Variants in CNTNAP2 observed in about 807,000 individuals in gnomAD.
CNTNAP2 encodes contactin-associated protein-like 2.
A neutral mutation model predicts 155.2 loss-of-function variants in CNTNAP2; 98 were observed. The observed-to-expected ratio is 0.63, with a 90% confidence interval of 0.54 to 0.75. The LOEUF (loss-of-function observed/expected upper bound fraction) is 0.75. CNTNAP2 is among the 30% of genes least tolerant of loss of function. The pLI, the probability that CNTNAP2 is intolerant of heterozygous loss-of-function variation, is 0.00. For missense variants in CNTNAP2, 1,727 were observed against 1,688.1 expected (o/e 1.02, Z -0.40); for synonymous variants, 651 against 631.2 (o/e 1.03, Z -0.47).
At chr7:147,735,966 C>G (rs375494966) in intron 13 of CNTNAP2, among the ~76,000 whole-genome samples, 13,558 of 127,516 alleles carry the variant, frequency 0.11, 1,123 homozygotes, top group Middle Eastern at 0.29. Flanking sequence ...TGGGTCTTGA[C>G]TCTTTATCCA....
At chr7:146,712,120 A>G (rs544448732) in intron 1 of CNTNAP2, among the ~76,000 whole-genome samples, 1 of 119,460 alleles carries the variant, frequency 8.4e-6, no homozygotes, top group Non-Finnish European at 1.7e-5. Flanking sequence ...GTATACATAT[A>G]TGTATACATA....
chr7:146,657,297 A>G (rs934870560), intron 1 of CNTNAP2, among the ~76,000 whole-genome samples: 2 of 152,108 alleles, frequency 1.3e-5, no homozygotes, highest in Non-Finnish European at 2.9e-5. Flanking sequence ...TGCTTTACAG[A>G]TCTTTAATGT....
Position 147,376,212 on chromosome 7 carries a change from C to T in CNTNAP2, c.1499-19397C>T, listed in dbSNP as rs114880197. On this transcript the variant is annotated intron_variant, in intron 9 of 23. Transcript: ENST00000361727. ...AGTATTTATCACGTTTGTATGATAACTCGGTAGTGAGAGCACAGAGGGCAG... is the reference window on the plus strand; with the variant it reads ...AGTATTTATCACGTTTGTATGATAATTCGGTAGTGAGAGCACAGAGGGCAG... Among the ~76,000 whole-genome samples, 797 of 152,036 alleles carry T rather than the reference C, an allele frequency of 5.2e-3. 12 individuals are homozygous for T. The highest frequency in any genetic ancestry group is 0.019 in the African/African-American group (772 of 41,492).
chr7:148,366,036 A>G (rs773282774), intron 21 of CNTNAP2, among the ~76,000 whole-genome samples: 12 of 1,012 alleles, frequency 0.012, 5 homozygotes, highest in African/African-American at 0.014. Flanking sequence ...ATGTGTGTGT[A>G]TGCATGTATG....
intron 15 of CNTNAP2, among the ~76,000 whole-genome samples, chr7:148,077,176 A>G (rs979203962): frequency 6.6e-6 from 1 of 151,978 alleles, no homozygotes; most frequent in African/African-American, 2.4e-5. Flanking sequence ...GTGTGGGGGT[A>G]CATGCCTGTA....
At chr7:147,279,608 T>C (rs1297740605) in intron 8 of CNTNAP2, among the ~76,000 whole-genome samples, 2 of 151,798 alleles carry the variant, frequency 1.3e-5, no homozygotes, top group African/African-American at 4.8e-5. Flanking sequence ...AAGTGCCTAG[T>C]TAAAGAAGGA....
chr7:147,912,985 G>C (rs970283787), intron 14 of CNTNAP2, among the ~76,000 whole-genome samples: 2 of 152,192 alleles, frequency 1.3e-5, no homozygotes, highest in Non-Finnish European at 2.9e-5. Flanking sequence ...AGTCTTCAGG[G>C]ACGCCTCCTG....
chr7:147,617,269 CT>C (rs1038947637), intron 12 of CNTNAP2, among the ~76,000 whole-genome samples: 3 of 152,126 alleles, frequency 2.0e-5, no homozygotes, highest in Non-Finnish European at 2.9e-5. Context: ...CAATATATCT[CT>C]GTTTTAGCAC....
chr7:146,159,063 C>T (rs1798175133), intron 1 of CNTNAP2, among the ~76,000 whole-genome samples: 1 of 152,296 alleles, frequency 6.6e-6, no homozygotes, highest in Non-Finnish European at 1.5e-5. Context: ...CTCTACAAGC[C>T]AGAAGGGAGT....
At chr7:147,269,213 C>T (rs1804685732) in intron 8 of CNTNAP2, among the ~76,000 whole-genome samples, 2 of 152,072 alleles carry the variant, frequency 1.3e-5, no homozygotes, top group Non-Finnish European at 2.9e-5. Flanking sequence ...TGTATATGAC[C>T]ATAAGATATT....
At position 148,383,768 on chromosome 7, in the gene CNTNAP2, G is replaced by A. The variant is rs727503878; in HGVS notation, c.3595G>A (p.Ala1199Thr). Residue 1199 changes from alanine to threonine, a missense_variant, in exon 22 of 24, where the codon GCC becomes ACC. Transcript: ENST00000361727. Reference protein sequence around the residue: ...PLKAALRQTNASAHVHIQGEL... With the variant: ...PLKAALRQTNTSAHVHIQGEL... ...CAAGGCCGCCTTGAGGCAGACAAAC[G>A]CCTCGGCTCACGTCCACATCCAGGG... The A allele has an allele frequency of 1.4e-5, 22 of 1,613,994 alleles. No homozygotes were observed. The highest frequency in any genetic ancestry group is 7.7e-5 in the South Asian group (7 of 91,080).
At chr7:146,247,675 T>C (rs1357182764) in intron 1 of CNTNAP2, among the ~76,000 whole-genome samples, 1 of 152,208 alleles carries the variant, frequency 6.6e-6, no homozygotes, top group African/African-American at 2.4e-5. Context: ...AGTGCCATTT[T>C]CTGGCTATTT....
intron 10 of CNTNAP2, among the ~76,000 whole-genome samples, chr7:147,429,953 G>T (rs1180199624): frequency 6.6e-6 from 1 of 152,008 alleles, no homozygotes; most frequent in African/African-American, 2.4e-5. Flanking sequence ...TGCTGTTTTG[G>T]TAACTATAGC....
intron 1 of CNTNAP2, among the ~76,000 whole-genome samples, chr7:146,166,149 AGTGGG>A (rs1424759796): frequency 2.6e-5 from 4 of 152,094 alleles, no homozygotes; most frequent in Non-Finnish European, 5.9e-5. Context: ...GCTGGAGTGC[AGTGGG>A]ATGGTCTTGG....
intron 4 of CNTNAP2, among the ~76,000 whole-genome samples, chr7:147,100,641 G>C (rs967994257): frequency 6.6e-6 from 1 of 152,172 alleles, no homozygotes; most frequent in Non-Finnish European, 1.5e-5. Flanking sequence ...GACACTCATA[G>C]TTGTAAGAGT....
At chr7:146,994,333 A>G (rs924359371) in intron 3 of CNTNAP2, among the ~76,000 whole-genome samples, 10 of 152,124 alleles carry the variant, frequency 6.6e-5, no homozygotes, top group African/African-American at 2.4e-4. Flanking sequence ...TGTTTTAAGC[A>G]CAGCTGAGTG....
intron 1 of CNTNAP2, among the ~76,000 whole-genome samples, chr7:146,743,998 G>A (rs375608880): frequency 6.6e-5 from 10 of 152,020 alleles, no homozygotes; most frequent in African/African-American, 1.4e-4. Context: ...AGGCTGAAGC[G>A]GGCAGATCAC....
chr7:148,217,109 T>C (rs1205966671), intron 18 of CNTNAP2, among the ~76,000 whole-genome samples, 179 bp from the exon 19 acceptor site: 1 of 89,826 alleles, frequency 1.1e-5, no homozygotes, highest in Admixed American at 1.2e-4. Context: ...TGTTACATGC[T>C]TTTTTTTTTT....
chr7:146,869,948 A>G (rs1336120724), intron 3 of CNTNAP2, among the ~76,000 whole-genome samples: 1 of 152,142 alleles, frequency 6.6e-6, no homozygotes, highest in African/African-American at 2.4e-5. Context: ...TCAATGATCA[A>G]GTTGACACTT....
Sources: allele counts gnomAD v4.1 joint callset (sites outside exome capture counted in the v4.1 genomes callset), GRCh38; gene constraint gnomAD v4.1.1; transcripts MANE v1.5; gene names NCBI Gene and HGNC (gene_info 2026-07-23, HGNC 2026-07-21).